FNIP2: variants seen among roughly 807,000 people sequenced by gnomAD.
The protein encoded by FNIP2 is folliculin-interacting protein 2.
A neutral mutation model predicts 108.7 loss-of-function variants in FNIP2; 32 were observed. The observed-to-expected ratio is 0.29, with a 90% CI of 0.22 to 0.40. FNIP2 has a LOEUF of 0.40. Among genes scored for constraint, FNIP2 ranks in the 10% least tolerant of loss-of-function variants. The pLI, the probability that FNIP2 is intolerant of heterozygous loss-of-function variation, is 1.00. For missense variants in FNIP2, 1,202 were observed against 1,381.6 expected (o/e 0.87, Z 2.06); for synonymous variants, 480 against 496.7 (o/e 0.97, Z 0.45).
intron 1 of FNIP2, among the ~76,000 whole-genome samples, chr4:158,795,471 G>A (rs942340780): frequency 2.0e-5 from 3 of 152,218 alleles, no homozygotes; most frequent in Non-Finnish European, 2.9e-5. Flanking sequence ...TATCTGATGA[G>A]ATGTAAAGAG....
intron 14 of FNIP2, among the ~76,000 whole-genome samples, chr4:158,882,536 G>T (rs1451995942): frequency 6.6e-5 from 10 of 152,274 alleles, no homozygotes; most frequent in Admixed American, 6.5e-4. Context: ...TGATGACGAT[G>T]GCGGTTTTGT....
chr4:158,806,251 T>G (rs1247704371), intron 1 of FNIP2: 59 of 1,289,254 alleles, frequency 4.6e-5, no homozygotes, highest in Non-Finnish European at 5.7e-5. Context: ...TCAGGAGATG[T>G]GCGGCGGCAC....
chr4:158,777,219 A>G (rs2126410761), intron 1 of FNIP2, among the ~76,000 whole-genome samples: 1 of 152,346 alleles, frequency 6.6e-6, no homozygotes, highest in African/African-American at 2.4e-5. Context: ...TTTCAGATTC[A>G]TTTGAATTCT....
At chr4:158,800,716 TTAGTTTTA>T (rs1448018075) in intron 1 of FNIP2, among the ~76,000 whole-genome samples, 2 of 152,214 alleles carry the variant, frequency 1.3e-5, no homozygotes, top group African/African-American at 4.8e-5. Context: ...TTTTTCTGTT[TTAGTTTTA>T]TAAAACTTTT....
At chr4:158,799,947 T>C (rs1320185865) in intron 1 of FNIP2, among the ~76,000 whole-genome samples, 1 of 152,178 alleles carries the variant, frequency 6.6e-6, no homozygotes, top group Non-Finnish European at 1.5e-5. Context: ...TCTAGAAAGG[T>C]TGAATCATTT....
chr4:158,775,343 G>A (rs942788004), intron 1 of FNIP2, among the ~76,000 whole-genome samples: 1 of 152,194 alleles, frequency 6.6e-6, no homozygotes, highest in Non-Finnish European at 1.5e-5. Context: ...TCCTTTGGAT[G>A]TAAGAGTGCT....
chr4:158,879,813 ATTTATG>A (rs575705405), intron 14 of FNIP2, among the ~76,000 whole-genome samples: 1 of 150,498 alleles, frequency 6.6e-6, no homozygotes, highest in East Asian at 2.0e-4. Flanking sequence ...AAAAGAAGAC[ATTTATG>A]CAGCCAACAG....
chr4:158,843,006 G>A lies in FNIP2; in HGVS notation c.727+7530G>A, dbSNP rs551307413. 2.0e-5 allele frequency among the ~76,000 whole-genome samples: 3 copies of A among 152,212 alleles called. No individual in the cohort carries two copies. In the South Asian group the frequency reaches 6.2e-4, roughly 32 times the overall value. Reference sequence around the variant, plus strand: ...ACTCATTTACCTTTTAAATGCTCCTGTGTTTGTGTGTTGAGAAATACAATT... The same window carrying A: ...ACTCATTTACCTTTTAAATGCTCCTATGTTTGTGTGTTGAGAAATACAATT... On this transcript the variant is annotated intron_variant, in intron 7 of 16. Transcript: ENST00000264433.
At chr4:158,876,765 G>A (rs954482252) in intron 14 of FNIP2, among the ~76,000 whole-genome samples, 2 of 152,226 alleles carry the variant, frequency 1.3e-5, no homozygotes, top group Non-Finnish European at 2.9e-5. Flanking sequence ...TTAGAGTCAT[G>A]TGTGTCTATT....
At chr4:158,858,746 T>A (rs1315290668) in intron 8 of FNIP2, among the ~76,000 whole-genome samples, 1 of 152,194 alleles carries the variant, frequency 6.6e-6, no homozygotes, top group East Asian at 1.9e-4. Context: ...AAACAGATAT[T>A]TCACATTCCT....
chr4:158,835,513 T>G, intron 7 of FNIP2, 37 bp downstream of exon 7: 1 of 1,579,330 alleles, frequency 6.3e-7, no homozygotes, highest in Non-Finnish European at 8.7e-7. Context: ...ACTAACAGAG[T>G]GAACTATCTA....
chr4:158,897,689 G>GT (rs1782814871), intron 16 of FNIP2, among the ~76,000 whole-genome samples: 1 of 151,980 alleles, frequency 6.6e-6, no homozygotes, highest in South Asian at 2.1e-4. Flanking sequence ...TGATGGGGTT[G>GT]TTTTTTTCTT....
intron 1 of FNIP2, among the ~76,000 whole-genome samples, chr4:158,790,361 C>T (rs1234481124): frequency 2.0e-5 from 3 of 151,664 alleles, no homozygotes; most frequent in Non-Finnish European, 2.9e-5. Flanking sequence ...CTATAAAAAC[C>T]AGGTTAACTT....
At chr4:158,803,877 T>C (rs1776846829) in intron 1 of FNIP2, among the ~76,000 whole-genome samples, 1 of 152,216 alleles carries the variant, frequency 6.6e-6, no homozygotes, top group African/African-American at 2.4e-5. Flanking sequence ...TCAGACTGTA[T>C]GCATCTGACT....
intron 1 of FNIP2, among the ~76,000 whole-genome samples, chr4:158,775,928 C>T (rs752851021): frequency 1.4e-4 from 22 of 152,212 alleles, no homozygotes; most frequent in Non-Finnish European, 2.2e-4. Flanking sequence ...TTATTTGTCC[C>T]TGTAAACTTG....
rs146906212 is a variant in FNIP2, at chr4:158,873,032, C to T, written c.2949+2563C>T. 1.6e-3 allele frequency among the ~76,000 whole-genome samples: 250 copies of T among 151,988 alleles called. 1 individual carries two copies. The highest frequency in any genetic ancestry group is 5.6e-3 in the African/African-American group (234 of 41,474). ...TTTTTAAGTTGGGCACAGTGGCTCACGCCTGTAATCCCAGCACTTTGAGAG... is the reference window on the plus strand; with the variant it reads ...TTTTTAAGTTGGGCACAGTGGCTCATGCCTGTAATCCCAGCACTTTGAGAG... On this transcript the variant is annotated intron_variant, in intron 14 of 16. Coordinates refer to ENST00000264433, the MANE Select transcript of FNIP2 (RefSeq NM_020840.3).
chr4:158,795,818 G>A (rs1187989674), intron 1 of FNIP2: 1 of 152,226 alleles, frequency 6.6e-6, no homozygotes, highest in Non-Finnish European at 1.5e-5. Flanking sequence ...CTGCGCATGC[G>A]AGTGATCTAG....
intron 8 of FNIP2, among the ~76,000 whole-genome samples, chr4:158,858,754 C>A (rs539917401): frequency 1.5e-4 from 23 of 152,134 alleles, no homozygotes; most frequent in Admixed American, 1.1e-3. Context: ...ATTTCACATT[C>A]CTTCCTAAAT....
At chr4:158,823,310 G>A (rs1777984575) in intron 1 of FNIP2, among the ~76,000 whole-genome samples, 1 of 152,092 alleles carries the variant, frequency 6.6e-6, no homozygotes, top group South Asian at 2.1e-4. Context: ...CTGTCACCCA[G>A]GCTGGAGTGC....
Sources: allele counts gnomAD v4.1 joint callset (sites outside exome capture counted in the v4.1 genomes callset), GRCh38; gene constraint gnomAD v4.1.1; transcripts MANE v1.5; gene names NCBI Gene and HGNC (gene_info 2026-07-23, HGNC 2026-07-21).